The following MANSC1 variants were observed in gnomAD, a reference collection of about 807,000 sequenced individuals.
The protein encoded by MANSC1 is MANSC domain-containing protein 1.
MANSC1 carries 13 observed loss-of-function variants against 14.1 expected under a neutral mutation model. The observed-to-expected ratio is 0.92, with a 90% CI of 0.60 to 1.46. MANSC1 has a LOEUF of 1.46. MANSC1 is among the 40% of genes most tolerant of loss of function. The probability of loss-of-function intolerance (pLI) is 0.00; values close to 1 mark genes in which losing one functional copy is unlikely to be tolerated. For missense variants in MANSC1, 486 were observed against 511.4 expected (o/e 0.95, Z 0.48); for synonymous variants, 227 against 200.7 (o/e 1.13, Z -1.11).
In MANSC1 at chr12:12,330,341, G is replaced by A. The variant is rs1861676; in HGVS notation, c.982C>T (p.Leu328=). 1,174,034 of 1,613,812 alleles carry A rather than the reference G, an allele frequency of 0.73. 431,304 individuals carry two copies. The highest frequency in any genetic ancestry group is 0.82 in the Middle Eastern group (4,950 of 6,062). ...TACACATTCCCTGTGTTCAAAGTTA[G>A]GTTGGAGATTTCTGTAAACGGTATG... ...ETIPFTEISN[L]TLNTGNVYNP... is the part of the protein sequence containing the mutation. Residue 328 remains leucine, a synonymous_variant, in exon 4 of 4, where the codon CTA becomes TTA. Coordinates refer to ENST00000535902, the MANE Select transcript of MANSC1 (RefSeq NM_018050.4).
chr12:12,337,695 A>G (rs992088009), intron 3 of MANSC1, among the ~76,000 whole-genome samples: 1 of 152,198 alleles, frequency 6.6e-6, no homozygotes, highest in Non-Finnish European at 1.5e-5. Flanking sequence ...CCTTTTTTAT[A>G]TGGATAATCT....
rs1007043117 is a variant in MANSC1, at chr12:12,330,934, A to C, written c.389T>G (p.Leu130Trp). ...TTCCTGGGGTAACTCTTGGCTTGGC[A>C]AATTTCTGGTCAAAGATGGAAAATC... ...ITDFPSLTRN[L>W]PSQELPQEDS... Residue 130 changes from leucine to tryptophan, a missense_variant, in exon 4 of 4, where the codon TTG (leucine) becomes TGG (tryptophan). Physicochemically the swap from Leu to Trp is moderately conservative, Grantham distance 61 (BLOSUM62 -2). Coordinates refer to ENST00000535902, the MANE Select transcript of MANSC1 (RefSeq NM_018050.4). 2 of 1,581,972 alleles carry C rather than the reference A, an allele frequency of 1.3e-6. No individual in the cohort carries two copies. Among genetic ancestry groups the C allele is most frequent in the African/African-American group, 2.7e-5 (2 of 73,188 alleles).
chr12:12,346,803 T>C (rs925878053), intron 1 of MANSC1, among the ~76,000 whole-genome samples: 9 of 152,196 alleles, frequency 5.9e-5, no homozygotes, highest in African/African-American at 2.2e-4. Context: ...CCTTGTGACC[T>C]TAGATTAGGT....
rs746156086 is a variant in MANSC1, at chr12:12,343,334, T to C, written c.-20A>G. 7 of 1,592,488 alleles carry C rather than the reference T, an allele frequency of 4.4e-6. No individual in the cohort carries two copies. The highest frequency in any genetic ancestry group is 6.0e-6 in the Non-Finnish European group (7 of 1,160,776). The stretch of plus-strand genomic sequence containing the variant: ...GAACATTTTAAATTTCAGTTTAGTT[T>C]TGGTCTTCAAAGGTCAAGGATAATC... On this transcript the variant is annotated 5_prime_UTR_variant, in exon 2 of 4. Transcript: ENST00000535902.
At position 12,326,485 on chromosome 12, in the gene MANSC1, C is replaced by A. The variant is rs191721957; in HGVS notation, c.*3542G>T. 864 of 152,406 alleles carry A rather than the reference C, an allele frequency of 5.7e-3. 5 individuals carry two copies. Among genetic ancestry groups the A allele is most frequent in the Non-Finnish European group, 0.011 (723 of 68,124 alleles). 9.4% of individuals were successfully genotyped at this position (152,406 alleles called of 1,614,324 possible). A position where few individuals can be genotyped will look rare whatever the true frequency, so the allele number is the denominator to read the frequency against. ...TGCTGGGCAGCTGACCGGTAGTGCCCACCACAGTCTGGGAGCCAAAGAGTT... is the reference window on the plus strand; with the variant it reads ...TGCTGGGCAGCTGACCGGTAGTGCCAACCACAGTCTGGGAGCCAAAGAGTT... On this transcript the variant is annotated 3_prime_UTR_variant, in exon 4 of 4. Transcript: ENST00000535902.
Position 12,329,173 on chromosome 12 carries a change from G to A in MANSC1, c.*854C>T, listed in dbSNP as rs913989159. 1.3e-5 allele frequency: 2 copies of A among 152,142 alleles called. No homozygotes were observed. The highest frequency in any genetic ancestry group is 6.5e-5 in the Admixed American group (1 of 15,268). 9.4% of individuals were successfully genotyped at this position (152,142 alleles called of 1,614,324 possible). ...AAAAAGGGGGGGTTGTCATTTTAAC[G>A]TGGAACGCATATTTTCACCACATAA... On this transcript the variant is annotated 3_prime_UTR_variant, in exon 4 of 4. Coordinates refer to ENST00000535902, the MANE Select transcript of MANSC1 (RefSeq NM_018050.4).
At chr12:12,342,799 A>G (rs1862954671) in intron 2 of MANSC1, among the ~76,000 whole-genome samples, 1 of 151,844 alleles carries the variant, frequency 6.6e-6, no homozygotes, top group Non-Finnish European at 1.5e-5. Flanking sequence ...GCAGCTAACC[A>G]TTTCAATAGG....
chr12:12,336,211 C>T (rs780028426), intron 3 of MANSC1, among the ~76,000 whole-genome samples: 5 of 152,134 alleles, frequency 3.3e-5, no homozygotes, highest in Non-Finnish European at 5.9e-5. Context: ...CCCTCCCCAC[C>T]GTTTTGCATA....
chr12:12,338,759 T>A (rs886999872), intron 2 of MANSC1, 199 bp from the exon 3 acceptor site: 1 of 353,324 alleles, frequency 2.8e-6, no homozygotes, highest in African/African-American at 2.3e-5. Context: ...TGGGTTTAGC[T>A]TTTTTTTTTT....
chr12:12,340,217 T>C (rs1862916313), intron 2 of MANSC1, among the ~76,000 whole-genome samples: 2 of 152,202 alleles, frequency 1.3e-5, no homozygotes, highest in South Asian at 4.1e-4. Flanking sequence ...CTCACATCTT[T>C]GGGAGGTCAG....
intron 2 of MANSC1, among the ~76,000 whole-genome samples, chr12:12,340,934 C>T (rs1343520996): frequency 6.6e-6 from 1 of 152,102 alleles, no homozygotes; most frequent in Non-Finnish European, 1.5e-5. Context: ...TCAATGAGAC[C>T]ATCGAAGGGA....
At position 12,329,695 on chromosome 12, in the gene MANSC1, C is replaced by A. The variant is rs981126359; in HGVS notation, c.*332G>T. On this transcript the variant is annotated 3_prime_UTR_variant, in exon 4 of 4. Transcript: ENST00000535902. ...GGTCAGGAGTTTGAGACCAGCCTGA[C>A]CAACATGGTGAAACCCCGTCTCTAC... 16 of 206,306 alleles carry A rather than the reference C, an allele frequency of 7.8e-5. No homozygotes were observed. The highest frequency in any genetic ancestry group is 3.7e-4 in the African/African-American group (16 of 42,900). The allele number at this position is 206,306 out of a possible 1,614,324, so 12.8% of individuals were successfully genotyped here. A position where few individuals can be genotyped will look rare whatever the true frequency, so the allele number is the denominator to read the frequency against.
Position 12,328,571 on chromosome 12 carries a change from T to A in MANSC1, c.*1456A>T, listed in dbSNP as rs1862736981. 1 of 151,500 alleles carries A rather than the reference T, an allele frequency of 6.6e-6. No individual in the cohort carries two copies. The highest frequency in any genetic ancestry group is 6.6e-5 in the Admixed American group (1 of 15,162). 9.4% of individuals were successfully genotyped at this position (151,500 alleles called of 1,614,324 possible). On this transcript the variant is annotated 3_prime_UTR_variant, in exon 4 of 4. Coordinates refer to ENST00000535902, the MANE Select transcript of MANSC1 (RefSeq NM_018050.4). The stretch of plus-strand genomic sequence containing the variant: ...GCGCCTGGCCTGTGCTAGTTATTAT[T>A]TCCAATGTTGTTCTAAATTAAGCTT...
rs753128266 is a variant in MANSC1 at position 12,330,850 on chromosome 12, G to T, written c.473C>A (p.Thr158Lys). The change falls in exon 4 of 4, where the codon ACA (threonine) becomes AAA (lysine). Residue 158 changes from threonine to lysine, a missense_variant. Coordinates refer to ENST00000535902, the MANE Select transcript of MANSC1 (RefSeq NM_018050.4). The stretch of plus-strand genomic sequence containing the variant: ...GATATCGGTGGGCTTTGAATAATCT[G>T]TGTGATGATGGGCTAGGGGAGTGAC... ...QAVTPLAHHH[T>K]DYSKPTDISW... 6.2e-7 allele frequency: 1 copy of T among 1,613,902 alleles called. No individual in the cohort carries two copies. Among genetic ancestry groups the T allele is most frequent in the East Asian group, 2.2e-5 (1 of 44,888 alleles).
Position 12,338,493 on chromosome 12 carries a change from TAGG to T in MANSC1, c.288_290del (p.Tyr96_Leu97delinsTer). On this transcript the variant is annotated stop_gained and inframe_deletion, in exon 3 of 4. Transcript: ENST00000535902. LOFTEE classifies it high-confidence loss of function. Reference sequence around the variant, plus strand: ...AGGCTTCCTCGTTGGGACAGAAAAATAGGTAGCAGTTGGGTTGTCTAGCTGTTT... The same window carrying T: ...AGGCTTCCTCGTTGGGACAGAAAAATTAGCAGTTGGGTTGTCTAGCTGTTT... 6.2e-7 allele frequency: 1 copy of T among 1,613,568 alleles called. No homozygotes were observed. The highest frequency in any genetic ancestry group is 2.2e-5 in the East Asian group (1 of 44,846).
intron 1 of MANSC1, 150 bp downstream of exon 1, chr12:12,349,928 G>A (rs1863055567): frequency 6.6e-6 from 1 of 152,314 alleles, no homozygotes; most frequent in Non-Finnish European, 1.5e-5. Context: ...AAGGATCCTG[G>A]TCAGCCCTTA....
chr12:12,326,270 A>G lies in MANSC1; in HGVS notation c.*3757T>C, dbSNP rs1862699550. The G allele has an allele frequency of 6.6e-6, 1 of 152,210 alleles. No homozygotes were observed. The highest frequency in any genetic ancestry group is 2.4e-5 in the African/African-American group (1 of 41,460). 9.4% of individuals were successfully genotyped at this position (152,210 alleles called of 1,614,324 possible). On this transcript the variant is annotated 3_prime_UTR_variant, in exon 4 of 4. Coordinates refer to ENST00000535902, the MANE Select transcript of MANSC1 (RefSeq NM_018050.4). ...AAGTCTTCACATGGTCAGCATCCCA[A>G]GCATGAAATAAGGGGATGTGGTTAG...
In MANSC1 at chr12:12,329,923, T is replaced by C. The variant is rs1592027464; in HGVS notation, c.*104A>G. On this transcript the variant is annotated 3_prime_UTR_variant, in exon 4 of 4. Transcript: ENST00000535902. ...AGGAAAGCAGAAGGGGGCATTTTCC[T>C]GTCTTCAAAATACAACCTCCTGCTA... 1.0e-6 allele frequency: 1 copy of C among 958,972 alleles called. No homozygotes were observed. The highest frequency in any genetic ancestry group is 1.5e-6 in the Non-Finnish European group (1 of 657,690). 59.4% of individuals were successfully genotyped at this position (958,972 alleles called of 1,614,324 possible).
rs1565788500 is a variant in MANSC1, at chr12:12,327,757, T to G, written c.*2270A>C. 2 of 152,226 alleles carry G rather than the reference T, an allele frequency of 1.3e-5. No individual in the cohort carries two copies. The highest frequency in any genetic ancestry group is 6.5e-5 in the Admixed American group (1 of 15,278). 9.4% of individuals were successfully genotyped at this position (152,226 alleles called of 1,614,324 possible). A position where few individuals can be genotyped will look rare whatever the true frequency, so the allele number is the denominator to read the frequency against. ...AAGCTTATGTAAACCCCTTGGAGAT[T>G]TGTGTCAAGCTGTTAAGTTGGAAAA... On this transcript the variant is annotated 3_prime_UTR_variant, in exon 4 of 4. Coordinates refer to ENST00000535902, the MANE Select transcript of MANSC1 (RefSeq NM_018050.4).
Sources: gnomAD v4.1 joint callset for allele counts (sites outside exome capture counted in the v4.1 genomes callset) on GRCh38, gnomAD v4.1.1 for gene constraint, MANE v1.5 for transcripts, NCBI Gene and HGNC (gene_info 2026-07-23, HGNC 2026-07-21) for gene names.